DHX37: variants seen among roughly 807,000 people sequenced by gnomAD.
The protein encoded by DHX37 is probable ATP-dependent RNA helicase DHX37.
A neutral mutation model predicts 134.3 loss-of-function variants in DHX37; 52 were observed. The ratio of observed to expected loss-of-function variants is 0.39; its 90% CI spans 0.31 to 0.49. DHX37 has a LOEUF of 0.49. DHX37 is among the 20% of genes least tolerant of loss of function. The pLI, the probability that DHX37 is intolerant of heterozygous loss-of-function variation, is 0.93. For synonymous variants in DHX37, 634 were observed against 670.7 expected (o/e 0.95, Z 0.85); for missense variants, 1,344 against 1,580.8 (o/e 0.85, Z 2.54).
intron 10 of DHX37, among the ~76,000 whole-genome samples, 174 bp from the exon 11 acceptor site, chr12:124,967,392 C>T (rs1403180019): frequency 2.6e-5 from 4 of 152,154 alleles, no homozygotes; most frequent in East Asian, 1.9e-4. Context: ...AAGCAGCTGC[C>T]GCCAGGGAGT....
At chr12:124,972,759 C>G (rs552899796) in intron 6 of DHX37, 160 bp from the exon 7 acceptor site, 1 of 186,270 alleles carries the variant, frequency 5.4e-6, no homozygotes, top group African/African-American at 2.4e-5. Context: ...CCACTCTCCC[C>G]CTCCAAAATC....
rs769334258 is a variant in DHX37 at position 124,975,546 on chromosome 12, C to T, written c.888-35G>A. On this transcript the variant is annotated intron_variant, in intron 5 of 26. Coordinates refer to ENST00000308736, the MANE Select transcript of DHX37 (RefSeq NM_032656.4). ...GAAGAACATGGCCATCAACAGTGCG[C>T]GGCCCCACCTGTTCATGCCAAAGCC... The T allele has an allele frequency of 3.2e-5, 52 of 1,601,256 alleles. 1 individual carries two copies. Among genetic ancestry groups the T allele is most frequent in the Middle Eastern group, 3.3e-4 (2 of 6,062 alleles).
At chr12:124,972,175 C>T (rs899046965) in intron 7 of DHX37, among the ~76,000 whole-genome samples, 5 of 152,218 alleles carry the variant, frequency 3.3e-5, no homozygotes, top group African/African-American at 4.8e-5. Context: ...AGTACACCCC[C>T]GGCAAGGCGT....
intron 16 of DHX37, 131 bp from the exon 17 acceptor site, chr12:124,957,266 G>A: frequency 1.4e-6 from 1 of 732,826 alleles, no homozygotes; most frequent in Non-Finnish European, 2.0e-6. Flanking sequence ...GGGGACACAG[G>A]GGCCTGGGGC....
chr12:124,972,389 TG>T, intron 7 of DHX37, 113 bp downstream of exon 7: 1 of 1,043,376 alleles, frequency 9.6e-7, no homozygotes, highest in Non-Finnish European at 1.5e-6. Context: ...AGCAGCACCG[TG>T]GGAGTGCTGG....
chr12:124,972,488 G>A lies in DHX37; in HGVS notation c.1077+15C>T, dbSNP rs767374637. The A allele has an allele frequency of 6.2e-7, 1 of 1,613,810 alleles. No homozygotes were observed. ...CCCACTGGCCTTGCTCTGTGAGCCA[G>A]GATCCACAACCAACCTTCTGGATTT... is the stretch of plus-strand genomic sequence containing the variant. On this transcript the variant is annotated intron_variant, in intron 7 of 26. Transcript: ENST00000308736.
In DHX37 at chr12:124,950,398, A is replaced by G. The variant is rs927740925; in HGVS notation, c.3121+15T>C. 1.9e-6 allele frequency: 3 copies of G among 1,597,990 alleles called. No homozygotes were observed. Among genetic ancestry groups the G allele is most frequent in the Admixed American group, 1.7e-5 (1 of 58,518 alleles). ...GCAGGAGGCTCAGGTTGCCCAGGAC[A>G]CTGCCCCAACTCACAGAACACGCTG... On this transcript the variant is annotated intron_variant, in intron 23 of 26. Coordinates refer to ENST00000308736, the MANE Select transcript of DHX37 (RefSeq NM_032656.4).
chr12:124,968,434 A>T, intron 10 of DHX37, 100 bp downstream of exon 10: 1 of 1,550,792 alleles, frequency 6.4e-7, no homozygotes, highest in Non-Finnish European at 8.7e-7. Flanking sequence ...GGGTCAAGGG[A>T]CTTTTCTGAG....
intron 18 of DHX37, among the ~76,000 whole-genome samples, chr12:124,955,510 A>G (rs1246696214): frequency 6.6e-6 from 1 of 152,228 alleles, no homozygotes; most frequent in Non-Finnish European, 1.5e-5. Flanking sequence ...GGGTTTCACC[A>G]TGTTGGCCAG....
intron 25 of DHX37, chr12:124,948,504 T>G: frequency 2.7e-6 from 1 of 375,634 alleles, no homozygotes; most frequent in South Asian, 3.6e-5. Flanking sequence ...CCCAGCACTT[T>G]GGGAAGCTGA....
Position 124,980,563 on chromosome 12 carries a change from G to A in DHX37, c.665C>T (p.Ala222Val). 1.2e-6 allele frequency: 2 copies of A among 1,611,952 alleles called. No homozygotes were observed. The highest frequency in any genetic ancestry group is 1.7e-6 in the Non-Finnish European group (2 of 1,179,826). ...AGMTVPPPPA[A>V]APPLPRALAK... is the part of the protein sequence containing the mutation. ...CAGGGCCCTGGGCAGTGGTGGGGCTGCAGCTGGAGGAGGAGGAACAGTCAT... is the reference window on the plus strand; with the variant it reads ...CAGGGCCCTGGGCAGTGGTGGGGCTACAGCTGGAGGAGGAGGAACAGTCAT... Residue 222 changes from alanine (A) to valine (V), a missense_variant, in exon 4 of 27, where the codon GCA (alanine) becomes GTA (valine). Physicochemically the swap from Ala to Val is moderately conservative, Grantham distance 64. Around this residue, in one of 7 missense-constraint regions of DHX37, gnomAD observed 319 missense variants for 296.1 expected, o/e 1.08. Transcript: ENST00000308736. The surrounding 1 kb of genome is among the most constrained non-coding windows in gnomAD (Gnocchi z 5.3).
intron 25 of DHX37, among the ~76,000 whole-genome samples, chr12:124,948,910 A>T (rs1298076843): frequency 1.3e-5 from 2 of 152,168 alleles, no homozygotes; most frequent in Admixed American, 6.5e-5. Context: ...ACCTCCTCCC[A>T]TCCACCCTGG....
intron 2 of DHX37, among the ~76,000 whole-genome samples, chr12:124,983,035 C>T (rs1954787513): frequency 6.6e-6 from 1 of 152,166 alleles, no homozygotes; most frequent in Admixed American, 6.5e-5. Flanking sequence ...GGGGTGTACC[C>T]AGTTGGCTTC....
At chr12:124,964,332 G>C (rs1954333523) in intron 15 of DHX37, 62 bp downstream of exon 15, 1 of 1,600,040 alleles carries the variant, frequency 6.2e-7, no homozygotes, top group Non-Finnish European at 8.5e-7. Flanking sequence ...TCCTTCCCTT[G>C]TTCCTCAGTG....
In DHX37 at chr12:124,947,697, G is replaced by T; in HGVS notation, c.*105C>A. 7.2e-7 allele frequency: 1 copy of T among 1,393,400 alleles called. No individual in the cohort carries two copies. The highest frequency in any genetic ancestry group is 9.6e-7 in the Non-Finnish European group (1 of 1,046,518). The allele number at this position is 1,393,400 out of a possible 1,614,324, so 86.3% of individuals were successfully genotyped here. On this transcript the variant is annotated 3_prime_UTR_variant, in exon 27 of 27. Transcript: ENST00000308736. The stretch of plus-strand genomic sequence containing the variant: ...CCAGGGCTTGACCCACTTCCTGAGA[G>T]CAGGCCACGAAGCCCATGCCAGGTG...
chr12:124,961,226 A>C (rs1162762481), intron 15 of DHX37, among the ~76,000 whole-genome samples: 2 of 111,546 alleles, frequency 1.8e-5, no homozygotes, highest in Non-Finnish European at 3.5e-5. Flanking sequence ...ACGCACACGC[A>C]CGCACACACA....
intron 13 of DHX37, among the ~76,000 whole-genome samples, chr12:124,965,417 C>T (rs965365137): frequency 6.6e-6 from 1 of 152,194 alleles, no homozygotes; most frequent in Non-Finnish European, 1.5e-5. Flanking sequence ...GGGGCCCCTG[C>T]GAGCACACGG....
Position 124,975,514 on chromosome 12 carries a change from G to A in DHX37, c.888-3C>T. 6.2e-7 allele frequency: 1 copy of A among 1,611,952 alleles called. No homozygotes were observed. The highest frequency in any genetic ancestry group is 8.5e-7 in the Non-Finnish European group (1 of 1,179,944). Reference sequence around the variant, plus strand: ...TGACACCGATGATGCTGTCTTCACTGGGGGAGGAAGAACATGGCCATCAAC... The same window carrying A: ...TGACACCGATGATGCTGTCTTCACTAGGGGAGGAAGAACATGGCCATCAAC... On this transcript the variant is annotated splice_polypyrimidine_tract_variant and splice_region_variant and intron_variant, in intron 5 of 26. Transcript: ENST00000308736.
intron 16 of DHX37, among the ~76,000 whole-genome samples, chr12:124,959,073 CTTTTTTTT>C (rs1188884814): frequency 8.6e-6 from 1 of 115,816 alleles, no homozygotes; most frequent in African/African-American, 4.0e-5. Flanking sequence ...CCACACCTGG[CTTTTTTTT>C]TTTTTTTTTG....
Sources: allele counts gnomAD v4.1 joint callset (sites outside exome capture counted in the v4.1 genomes callset), GRCh38; gene constraint gnomAD v4.1.1; regional missense constraint gnomAD v4.1.1; non-coding constraint Gnocchi (gnomAD v3.1); transcripts MANE v1.5; gene names NCBI Gene and HGNC (gene_info 2026-07-23, HGNC 2026-07-21).